The following SFXN1 variants were observed in gnomAD, a reference collection of about 807,000 sequenced individuals.
SFXN1 encodes the protein sideroflexin 1.
In SFXN1, 32 loss-of-function variants were observed where a neutral mutation model predicts 39.5. That is an observed-to-expected ratio of 0.81 (90% CI 0.61 to 1.09). The LOEUF is 1.09. Ranked by LOEUF, SFXN1 falls within the 50% of genes least tolerant of loss-of-function variation. The pLI is 0.00. For missense variants in SFXN1, 402 were observed against 407.1 expected, an observed-to-expected ratio of 0.99 and a Z score of 0.11; for synonymous variants, 136 against 146.5, an observed-to-expected ratio of 0.93 and a Z score of 0.52.
intron 1 of SFXN1, among the ~76,000 whole-genome samples, chr5:175,486,121 C>T (rs1289038643): frequency 6.6e-6 from 1 of 151,984 alleles, no homozygotes; most frequent in Non-Finnish European, 1.5e-5. Flanking sequence ...CTTAGAGTAA[C>T]CTTAAGGTTA....
In SFXN1 at chr5:175,509,134, G is replaced by C. The variant is rs1760420300; in HGVS notation, c.267G>C (p.Leu89Phe). 3.1e-6 allele frequency: 5 copies of C among 1,613,674 alleles called. No individual in the cohort carries two copies. The African/African-American group carries it at 5.3e-5, about 17-fold the overall frequency. ...FHPDTGEKMI[L>F]IGRMSAQVPM... The stretch of plus-strand genomic sequence containing the variant: ...CTGACACTGGTGAGAAGATGATTTT[G>C]ATAGGAAGAATGTCAGCCCAGGTTC... Residue 89 changes from leucine to phenylalanine, a missense_variant, in exon 3 of 11, where the codon TTG (leucine) becomes TTC (phenylalanine). Transcript: ENST00000321442.
At chr5:175,516,743 C>A in intron 8 of SFXN1, 80 bp downstream of exon 8, 1 of 1,440,792 alleles carries the variant, frequency 6.9e-7, no homozygotes, top group Non-Finnish European at 9.5e-7. Context: ...TATTTGCTAC[C>A]TAAACAGTAA....
chr5:175,519,058 A>C (rs1368293284), intron 8 of SFXN1, among the ~76,000 whole-genome samples: 1 of 152,232 alleles, frequency 6.6e-6, no homozygotes, highest in East Asian at 1.9e-4. Context: ...AAAAGGTTTG[A>C]ACAGACACTC....
intron 1 of SFXN1, among the ~76,000 whole-genome samples, chr5:175,479,728 T>C (rs1194361991): frequency 2.0e-5 from 3 of 152,208 alleles, no homozygotes; most frequent in Admixed American, 2.0e-4. Flanking sequence ...CTAGCTCTGC[T>C]TCACTCCAGA....
intron 10 of SFXN1, among the ~76,000 whole-genome samples, chr5:175,524,708 A>T (rs1761008471): frequency 6.6e-6 from 1 of 152,116 alleles, no homozygotes; most frequent in African/African-American, 2.4e-5. Flanking sequence ...TAACAGAAAG[A>T]GTAGAGGATC....
At chr5:175,495,965 A>G (rs1305369698) in intron 2 of SFXN1, among the ~76,000 whole-genome samples, 1 of 148,130 alleles carries the variant, frequency 6.8e-6, no homozygotes, top group Non-Finnish European at 1.5e-5. Context: ...TAGTGGCGCA[A>G]TCTCGGCTCA....
chr5:175,514,289 A>T (rs1231836125), intron 7 of SFXN1, among the ~76,000 whole-genome samples: 1 of 152,148 alleles, frequency 6.6e-6, no homozygotes, highest in African/African-American at 2.4e-5. Flanking sequence ...GCAGCTACTG[A>T]TAAAATGTGT....
chr5:175,524,964 C>G (rs1314140612), intron 10 of SFXN1, among the ~76,000 whole-genome samples: 1 of 152,074 alleles, frequency 6.6e-6, no homozygotes, highest in Non-Finnish European at 1.5e-5. Flanking sequence ...TCAGAATAGG[C>G]CAGATAGTCA....
intron 6 of SFXN1, among the ~76,000 whole-genome samples, chr5:175,512,658 G>A (rs1360935242): frequency 6.6e-6 from 1 of 152,004 alleles, no homozygotes; most frequent in Non-Finnish European, 1.5e-5. Flanking sequence ...TAAAGGAGAA[G>A]AAAGAACAAC....
chr5:175,495,891 G>A (rs7447236), intron 2 of SFXN1, among the ~76,000 whole-genome samples: 41,165 of 149,354 alleles, frequency 0.28, 5,937 homozygotes, highest in South Asian at 0.44. Context: ...GAATAAAAGA[G>A]ATTAAAAGTG....
intron 8 of SFXN1, 77 bp from the exon 9 acceptor site, chr5:175,521,842 C>A: frequency 1.7e-6 from 2 of 1,145,750 alleles, no homozygotes; most frequent in Non-Finnish European, 2.5e-6. Flanking sequence ...GTGAGAGGTT[C>A]CTTCCAGTTA....
In SFXN1 at chr5:175,509,164, G is replaced by C; in HGVS notation, c.297G>C (p.Met99Ile). 1 of 1,613,632 alleles carries C rather than the reference G, an allele frequency of 6.2e-7. No individual in the cohort carries two copies. Among genetic ancestry groups the C allele is most frequent in the Non-Finnish European group, 8.5e-7 (1 of 1,179,830 alleles). The change falls in exon 3 of 11, where the codon ATG (methionine) becomes ATC (isoleucine). Residue 99 changes from methionine to isoleucine, a missense_variant. Met to Ile is a conservative substitution (Grantham distance 10). Transcript: ENST00000321442. ...GAAGAATGTCAGCCCAGGTTCCCAT[G>C]AACATGACCATCACAGGTTGTATGA... is the stretch of plus-strand genomic sequence containing the variant. Reference protein sequence around the residue: ...LIGRMSAQVPMNMTITGCMMT... With the variant: ...LIGRMSAQVPINMTITGCMMT...
chr5:175,499,257 GA>G (rs201638813), intron 2 of SFXN1, among the ~76,000 whole-genome samples: 40,214 of 136,702 alleles, frequency 0.29, 5,573 homozygotes, highest in South Asian at 0.46. Flanking sequence ...TCTGTCTCAA[GA>G]AAAAAAAAAA....
intron 4 of SFXN1, 85 bp downstream of exon 4, chr5:175,510,292 T>A: frequency 2.9e-6 from 3 of 1,049,752 alleles, no homozygotes; most frequent in Non-Finnish European, 4.3e-6. Flanking sequence ...TAAAAAAGCC[T>A]ATGTGTGCAT....
chr5:175,524,551 T>G (rs1425999353), intron 10 of SFXN1, among the ~76,000 whole-genome samples: 5 of 151,496 alleles, frequency 3.3e-5, no homozygotes, highest in African/African-American at 1.2e-4. Flanking sequence ...CTTTGAGAGA[T>G]ATTTATAGCT....
At chr5:175,519,562 A>G (rs534008000) in intron 8 of SFXN1, among the ~76,000 whole-genome samples, 3 of 152,236 alleles carry the variant, frequency 2.0e-5, no homozygotes, top group Non-Finnish European at 4.4e-5. Context: ...ACACAAAAGA[A>G]TAGATACTGT....
At chr5:175,513,441 C>G (rs1048989602) in intron 6 of SFXN1, 22 bp from the exon 7 acceptor site, 17 of 1,608,310 alleles carry the variant, frequency 1.1e-5, no homozygotes, top group Non-Finnish European at 1.4e-5. Context: ...GTGGAGCTCT[C>G]TGTATGTGTT....
At position 175,511,351 on chromosome 5, in the gene SFXN1, C is replaced by T. The variant is rs1170441477; in HGVS notation, c.435-100C>T. 4 of 893,996 alleles carry T rather than the reference C, an allele frequency of 4.5e-6. No individual in the cohort carries two copies. The East Asian group carries it at 9.7e-5, about 22-fold the overall frequency. 55.4% of individuals were successfully genotyped at this position (893,996 alleles called of 1,614,324 possible). ...GTTTTGTAGACTCTTCATTCTGAATCATGCTCTTTTATATTTCCCTTTTAT... is the reference window on the plus strand; with the variant it reads ...GTTTTGTAGACTCTTCATTCTGAATTATGCTCTTTTATATTTCCCTTTTAT... On this transcript the variant is annotated intron_variant, in intron 4 of 10. Transcript: ENST00000321442.
chr5:175,492,275 TA>T lies in SFXN1; in HGVS notation c.164+10del, dbSNP rs1212918514. On this transcript the variant is annotated intron_variant, in intron 2 of 10. Transcript: ENST00000321442. ...AATAGTACATGATTACAGGTAACAT[TA>T]ATTATTGTTTTTTGGTTTAATGTAT... The T allele has an allele frequency of 6.3e-7, 1 of 1,599,266 alleles. No homozygotes were observed. Among genetic ancestry groups the T allele is most frequent in the Admixed American group, 1.7e-5 (1 of 57,692 alleles).
Sources: allele counts gnomAD v4.1 joint callset (sites outside exome capture counted in the v4.1 genomes callset), GRCh38; gene constraint gnomAD v4.1.1; transcripts MANE v1.5; gene names NCBI Gene and HGNC (gene_info 2026-07-23, HGNC 2026-07-21).